TENM4: variants seen among roughly 807,000 people sequenced by gnomAD.
TENM4 encodes teneurin-4.
A neutral mutation model predicts 243.3 loss-of-function variants in TENM4; 82 were observed. That is an observed-to-expected ratio of 0.34 (90% CI 0.28 to 0.40). The LOEUF is 0.40. TENM4 is among the 10% of genes least tolerant of loss of function. The probability of loss-of-function intolerance (pLI) is 1.00; values close to 1 mark genes in which losing one functional copy is unlikely to be tolerated. For missense variants in TENM4, 3,138 were observed against 3,673.3 expected (o/e 0.85, Z 3.77); for synonymous variants, 1,412 against 1,456.3 (o/e 0.97, Z 0.69).
At chr11:78,847,012 A>G (rs1250078706) in intron 12 of TENM4, among the ~76,000 whole-genome samples, 2 of 152,220 alleles carry the variant, frequency 1.3e-5, no homozygotes, top group African/African-American at 4.8e-5. Flanking sequence ...ATGTTTTAGG[A>G]AAAATTCTGC....
chr11:79,338,864 C>T (rs73512774), intron 1 of TENM4, among the ~76,000 whole-genome samples: 1 of 152,166 alleles, frequency 6.6e-6, no homozygotes, highest in African/African-American at 2.4e-5. Context: ...TGCCATCCAG[C>T]TGAGAGTAAT....
At chr11:78,960,263 T>A (rs898356758) in intron 6 of TENM4, among the ~76,000 whole-genome samples, 3 of 150,954 alleles carry the variant, frequency 2.0e-5, no homozygotes, top group African/African-American at 7.3e-5. Flanking sequence ...CAGGGAGCAC[T>A]GAGAAAAAAG....
intron 3 of TENM4, among the ~76,000 whole-genome samples, chr11:79,186,308 C>T (rs985076555): frequency 5.3e-5 from 8 of 152,110 alleles, no homozygotes; most frequent in African/African-American, 1.2e-4. Flanking sequence ...TACAGCCTCC[C>T]GCCCTGAGCA....
chr11:79,024,153 T>C (rs372536003), intron 6 of TENM4, among the ~76,000 whole-genome samples: 1 of 152,308 alleles, frequency 6.6e-6, no homozygotes, highest in South Asian at 2.1e-4. Context: ...TGGAGAAAGT[T>C]TGGAAAAGGT....
chr11:78,853,172 C>T (rs1243815602), intron 12 of TENM4, among the ~76,000 whole-genome samples: 1 of 152,180 alleles, frequency 6.6e-6, no homozygotes, highest in African/African-American at 2.4e-5. Context: ...TAAGCAGAAA[C>T]CCCATTCCCA....
At chr11:78,670,635 G>C (rs752718370) in intron 31 of TENM4, 84 bp from the exon 32 acceptor site, 2 of 1,283,584 alleles carry the variant, frequency 1.6e-6, no homozygotes, top group Admixed American at 2.2e-5. Flanking sequence ...TAAAGGGACG[G>C]AATGAATGTC....
intron 6 of TENM4, among the ~76,000 whole-genome samples, chr11:79,049,110 C>T (rs1411354579): frequency 6.6e-6 from 1 of 152,138 alleles, no homozygotes; most frequent in African/African-American, 2.4e-5. Flanking sequence ...CTTCCTGCAG[C>T]CAGGCAGCAC....
chr11:78,907,148 A>G (rs1591119190), intron 6 of TENM4, among the ~76,000 whole-genome samples: 1 of 151,922 alleles, frequency 6.6e-6, no homozygotes. Flanking sequence ...AAAGCTCTGT[A>G]TTTGGGAGCT....
rs186231176 is a variant in TENM4 at position 78,673,053 on chromosome 11, G to T, written c.5497-724C>A. Among the ~76,000 whole-genome samples, 88 of 151,574 alleles carry T rather than the reference G, an allele frequency of 5.8e-4. 1 individual carries two copies. Among genetic ancestry groups the T allele is most frequent in the African/African-American group, 2.0e-3 (81 of 40,910 alleles). Reference sequence around the variant, plus strand: ...GCTTTTCTGCCTGTGGGCCGAATGGGGACACAGTCCTGGCTTTGAGGCACT... The same window carrying T: ...GCTTTTCTGCCTGTGGGCCGAATGGTGACACAGTCCTGGCTTTGAGGCACT... On this transcript the variant is annotated intron_variant, in intron 30 of 33. Coordinates refer to ENST00000278550, the MANE Select transcript of TENM4 (RefSeq NM_001098816.3).
At chr11:78,744,377 T>A (rs1386386154) in intron 19 of TENM4, among the ~76,000 whole-genome samples, 1 of 152,220 alleles carries the variant, frequency 6.6e-6, no homozygotes, top group Non-Finnish European at 1.5e-5. Flanking sequence ...TATGAAACAT[T>A]CGAGTCAGAA....
intron 6 of TENM4, among the ~76,000 whole-genome samples, chr11:78,949,667 C>A (rs1286263072): frequency 1.3e-5 from 2 of 152,124 alleles, no homozygotes; most frequent in Non-Finnish European, 2.9e-5. Flanking sequence ...ATCAGAGGGG[C>A]TCAAGAAGTA....
intron 1 of TENM4, among the ~76,000 whole-genome samples, chr11:79,427,732 G>C (rs900448159): frequency 6.6e-6 from 1 of 152,032 alleles, no homozygotes; most frequent in African/African-American, 2.4e-5. Flanking sequence ...CATAATAAAG[G>C]TTATAAAATT....
chr11:78,752,452 G>A (rs17137112), intron 19 of TENM4, among the ~76,000 whole-genome samples: 4,625 of 152,302 alleles, frequency 0.03, 240 homozygotes, highest in African/African-American at 0.1. Flanking sequence ...GGCTGACCCA[G>A]CTGGGAATCT....
intron 3 of TENM4, among the ~76,000 whole-genome samples, chr11:79,195,363 A>G (rs1055098803): frequency 6.6e-6 from 1 of 152,174 alleles, no homozygotes; most frequent in Non-Finnish European, 1.5e-5. Flanking sequence ...TGGTAGGTCC[A>G]TTGACAGCTT....
In TENM4 at chr11:79,419,104, G is replaced by A. The variant is rs77695100; in HGVS notation, c.-321+21405C>T. 7.6e-3 allele frequency among the ~76,000 whole-genome samples: 1,156 copies of A among 152,272 alleles called. 18 individuals carry two copies. Among genetic ancestry groups the A allele is most frequent in the African/African-American group, 0.026 (1,097 of 41,552 alleles). On this transcript the variant is annotated intron_variant, in intron 1 of 33. Coordinates refer to ENST00000278550, the MANE Select transcript of TENM4 (RefSeq NM_001098816.3). ...AAGCATAGGATTGACAGAAGCCCAC[G>A]AGGGCAGCTGAGCCATTTCCCTGCC...
At chr11:79,147,404 C>A (rs1862414129) in intron 4 of TENM4, among the ~76,000 whole-genome samples, 1 of 152,056 alleles carries the variant, frequency 6.6e-6, no homozygotes, top group African/African-American at 2.4e-5. Context: ...CTCGGACCCA[C>A]TCTAAAATTT....
chr11:79,213,572 C>T (rs970755790), intron 3 of TENM4, among the ~76,000 whole-genome samples: 13 of 152,156 alleles, frequency 8.5e-5, no homozygotes, highest in African/African-American at 3.1e-4. Flanking sequence ...CTTTCCTCCT[C>T]CAATTTAGAT....
At chr11:78,891,590 G>A (rs138428545) in intron 7 of TENM4, among the ~76,000 whole-genome samples, 20 of 152,354 alleles carry the variant, frequency 1.3e-4, no homozygotes, top group Middle Eastern at 3.4e-3. Context: ...TCTCACTGGA[G>A]AGGACTGACA....
At chr11:79,151,398 A>G (rs749316053) in intron 3 of TENM4, among the ~76,000 whole-genome samples, 1 of 152,188 alleles carries the variant, frequency 6.6e-6, no homozygotes, top group South Asian at 2.1e-4. Context: ...AAGTCTAAAC[A>G]CAAGAAGCAT....
Sources: gnomAD v4.1 joint callset for allele counts (sites outside exome capture counted in the v4.1 genomes callset) on GRCh38, gnomAD v4.1.1 for gene constraint, MANE v1.5 for transcripts, NCBI Gene and HGNC (gene_info 2026-07-23, HGNC 2026-07-21) for gene names.